TRHR: variants seen among roughly 807,000 people sequenced by gnomAD.
TRHR encodes the protein thyrotropin releasing hormone receptor, also known as thyrotropin-releasing hormone receptor.
TRHR carries 14 observed loss-of-function variants against 28.0 expected under a neutral mutation model. The observed-to-expected ratio is 0.50, with a 90% CI of 0.33 to 0.78. The LOEUF is 0.78. Ranked by LOEUF, TRHR falls within the 30% of genes least tolerant of loss-of-function variation. TRHR has a pLI of 0.02. For missense variants in TRHR, 438 were observed against 469.5 expected (o/e 0.93, Z 0.62); for synonymous variants, 176 against 171.9 (o/e 1.02, Z -0.18).
intron 2 of TRHR, among the ~76,000 whole-genome samples, chr8:109,115,396 T>G (rs918102054): frequency 6.6e-6 from 1 of 152,198 alleles, no homozygotes; most frequent in Non-Finnish European, 1.5e-5. Context: ...TAAATTAACT[T>G]GGGCAGTATG....
intron 2 of TRHR, among the ~76,000 whole-genome samples, chr8:109,108,334 C>T (rs372536393): frequency 5.3e-5 from 8 of 152,288 alleles, no homozygotes; most frequent in African/African-American, 1.9e-4. Flanking sequence ...ACTGGGTAAG[C>T]AGCTGAGGAA....
intron 2 of TRHR, among the ~76,000 whole-genome samples, chr8:109,115,164 A>G (rs1811900855): frequency 6.6e-6 from 1 of 152,076 alleles, no homozygotes; most frequent in Non-Finnish European, 1.5e-5. Context: ...GTTCTGTTCC[A>G]TTGATCTATA....
chr8:109,087,329 G>T, intron 1 of TRHR, 96 bp from the exon 2 acceptor site: 1 of 677,998 alleles, frequency 1.5e-6, no homozygotes, highest in South Asian at 1.8e-5. Context: ...ATAGAAAAAT[G>T]GGAAGTGAAA....
chr8:109,103,143 C>T (rs13439337), intron 2 of TRHR, among the ~76,000 whole-genome samples: 2,866 of 152,256 alleles, frequency 0.019, 49 homozygotes, highest in Non-Finnish European at 0.031. Flanking sequence ...TGCCTCAATA[C>T]ATCCCTTACT....
At chr8:109,118,917 A>G (rs1194569556) in intron 2 of TRHR, 131 bp from the exon 3 acceptor site, 21 of 1,149,690 alleles carry the variant, frequency 1.8e-5, no homozygotes, top group South Asian at 6.6e-5. Flanking sequence ...CACCTCCCCA[A>G]TAAATGACCT....
intron 2 of TRHR, among the ~76,000 whole-genome samples, chr8:109,104,992 AT>A (rs1397862262): frequency 2.6e-5 from 4 of 152,088 alleles, no homozygotes; most frequent in Non-Finnish European, 5.9e-5. Flanking sequence ...TACATGTCTG[AT>A]TATCTAACAA....
At chr8:109,104,640 A>AC (rs1459416270) in intron 2 of TRHR, among the ~76,000 whole-genome samples, 2 of 152,138 alleles carry the variant, frequency 1.3e-5, no homozygotes, top group East Asian at 3.9e-4. Context: ...GAAGAACAGG[A>AC]CATTTTCCCA....
At chr8:109,092,280 T>C (rs1811527646) in intron 2 of TRHR, among the ~76,000 whole-genome samples, 1 of 152,016 alleles carries the variant, frequency 6.6e-6, no homozygotes. Context: ...AATGGCAGAA[T>C]TTTTACTATG....
At chr8:109,109,191 C>A (rs548643551) in intron 2 of TRHR, among the ~76,000 whole-genome samples, 5 of 152,262 alleles carry the variant, frequency 3.3e-5, no homozygotes, top group Non-Finnish European at 7.4e-5. Context: ...CCACATACGA[C>A]CTCCACCAAT....
In TRHR at chr8:109,088,188, G is replaced by C. The variant is rs1563620345; in HGVS notation, c.676G>C (p.Asp226His). ...CCTTTTCTTAAATCCCATTCCTTCAGATCCTAAAGAAAACTCTAAGACATG... is the reference window on the plus strand; with the variant it reads ...CCTTTTCTTAAATCCCATTCCTTCACATCCTAAAGAAAACTCTAAGACATG... ...RILFLNPIPS[D>H]PKENSKTWKN... is the part of the protein sequence containing the mutation. Residue 226 changes from aspartate (D) to histidine (H), a missense_variant, in exon 2 of 3, where the codon GAT becomes CAT. Physicochemically the swap from Asp to His is moderately conservative, Grantham distance 81 (BLOSUM62 -1). Transcript: ENST00000518632. 1.2e-6 allele frequency: 2 copies of C among 1,614,006 alleles called. No individual in the cohort carries two copies. Among genetic ancestry groups the C allele is most frequent in the Non-Finnish European group, 8.5e-7 (1 of 1,179,992 alleles).
intron 2 of TRHR, among the ~76,000 whole-genome samples, chr8:109,109,203 C>T (rs568616420): frequency 5.3e-5 from 8 of 152,226 alleles, no homozygotes; most frequent in African/African-American, 1.4e-4. Flanking sequence ...TCCACCAATT[C>T]CGACCTTTAA....
intron 2 of TRHR, among the ~76,000 whole-genome samples, chr8:109,117,624 T>G (rs866141953): frequency 2.0e-5 from 3 of 151,722 alleles, no homozygotes; most frequent in Admixed American, 1.3e-4. Flanking sequence ...AAGGGTGTGG[T>G]TCATAATGAC....
chr8:109,116,196 C>T (rs979555860), intron 2 of TRHR, among the ~76,000 whole-genome samples: 17 of 152,164 alleles, frequency 1.1e-4, no homozygotes, highest in African/African-American at 3.4e-4. Context: ...CTGCTGGATT[C>T]GGTTTGCCAG....
chr8:109,110,180 T>A (rs933026898), intron 2 of TRHR, among the ~76,000 whole-genome samples: 1 of 152,074 alleles, frequency 6.6e-6, no homozygotes, highest in Non-Finnish European at 1.5e-5. Flanking sequence ...AATAAAAAAC[T>A]TTTTTTCCCC....
Position 109,088,036 on chromosome 8 carries a change from T to C in TRHR, c.524T>C (p.Ile175Thr), listed in dbSNP as rs754856053. The change falls in exon 2 of 3, where the codon ATT becomes ACT. Residue 175 changes from isoleucine (I) to threonine (T), a missense_variant. Coordinates refer to ENST00000518632, the MANE Select transcript of TRHR (RefSeq NM_003301.7). Reference protein sequence around the residue: ...DLNISTYKDAIVISCGYKISR... With the variant: ...DLNISTYKDATVISCGYKISR... Reference sequence around the variant, plus strand: ...AATATTAGCACCTACAAAGATGCTATTGTGATATCCTGTGGCTACAAGATC... The same window carrying C: ...AATATTAGCACCTACAAAGATGCTACTGTGATATCCTGTGGCTACAAGATC... 5 of 1,614,178 alleles carry C rather than the reference T, an allele frequency of 3.1e-6. No homozygotes were observed. The highest frequency in any genetic ancestry group is 4.2e-6 in the Non-Finnish European group (5 of 1,180,042).
Position 109,110,656 on chromosome 8 carries a change from T to C in TRHR, c.790-8392T>C, listed in dbSNP as rs546128383. Among the ~76,000 whole-genome samples the C allele has an allele frequency of 2.6e-5, 4 of 152,240 alleles. No individual in the cohort carries two copies. The East Asian group carries it at 7.7e-4, about 29-fold the overall frequency. On this transcript the variant is annotated intron_variant, in intron 2 of 2. Coordinates refer to ENST00000518632, the MANE Select transcript of TRHR (RefSeq NM_003301.7). ...CCCTGGGTGGCTTCTTGGCAAGAAA[T>C]CCATAAGTAATGCACAACACAGAGT... is the stretch of plus-strand genomic sequence containing the variant.
chr8:109,092,714 C>T (rs1454112921), intron 2 of TRHR, among the ~76,000 whole-genome samples: 1 of 152,162 alleles, frequency 6.6e-6, no homozygotes, highest in African/African-American at 2.4e-5. Flanking sequence ...ACTGGGATTA[C>T]AGGCTTGAGC....
chr8:109,092,226 G>A (rs1456974581), intron 2 of TRHR, among the ~76,000 whole-genome samples: 1 of 151,898 alleles, frequency 6.6e-6, no homozygotes, highest in South Asian at 2.1e-4. Flanking sequence ...ACAATAACAA[G>A]TAGAGAAACC....
chr8:109,099,716 T>C (rs1264503302), intron 2 of TRHR, among the ~76,000 whole-genome samples: 1 of 152,152 alleles, frequency 6.6e-6, no homozygotes, highest in African/African-American at 2.4e-5. Flanking sequence ...TAAAAATAGA[T>C]AACATTTCAA....
Sources: gnomAD v4.1 joint callset for allele counts (sites outside exome capture counted in the v4.1 genomes callset) on GRCh38, gnomAD v4.1.1 for gene constraint, MANE v1.5 for transcripts, NCBI Gene and HGNC (gene_info 2026-07-23, HGNC 2026-07-21) for gene names.